The following CDH13 variants were observed in gnomAD, a reference collection of about 807,000 sequenced individuals.
The protein encoded by CDH13 is cadherin 13, also known as cadherin-13.
A neutral mutation model predicts 63.8 loss-of-function variants in CDH13; 24 were observed. That is an observed-to-expected ratio of 0.38 (90% confidence interval 0.27 to 0.53). CDH13 has a LOEUF of 0.53. CDH13 is among the 20% of genes least tolerant of loss of function. The pLI is 0.85. For missense variants in CDH13, 1,049 were observed against 903.1 expected (o/e 1.16, Z -2.07); for synonymous variants, 503 against 355.3 (o/e 1.42, Z -4.67).
chr16:82,861,885 A>G (rs2039961411), intron 2 of CDH13, among the ~76,000 whole-genome samples: 2 of 152,234 alleles, frequency 1.3e-5, no homozygotes, highest in Admixed American at 1.3e-4. Context: ...AGAGTGATGC[A>G]AAGCTCCCAA....
intron 7 of CDH13, among the ~76,000 whole-genome samples, chr16:83,564,145 A>G (rs2075752794): frequency 6.6e-6 from 1 of 152,208 alleles, no homozygotes; most frequent in Admixed American, 6.5e-5. Context: ...CACTACTAGT[A>G]TCAGTAGTAC....
At chr16:82,892,780 C>T (rs191146961) in intron 2 of CDH13, among the ~76,000 whole-genome samples, 4 of 151,924 alleles carry the variant, frequency 2.6e-5, no homozygotes, top group African/African-American at 7.2e-5. Flanking sequence ...TTTCAAATTA[C>T]TAAAAGCATT....
At chr16:82,654,891 C>A (rs760251802) in intron 1 of CDH13, among the ~76,000 whole-genome samples, 53 of 152,286 alleles carry the variant, frequency 3.5e-4, no homozygotes, top group Non-Finnish European at 6.9e-4. Context: ...CCTCCCAACA[C>A]TACTGAGGTA....
At chr16:83,186,003 A>G (rs1597483492) in intron 4 of CDH13, among the ~76,000 whole-genome samples, 2 of 152,058 alleles carry the variant, frequency 1.3e-5, no homozygotes, top group African/African-American at 2.4e-5. Flanking sequence ...TAGAGGAGAT[A>G]TTTTCCTGAT....
At chr16:83,274,000 T>C (rs1028310519) in intron 5 of CDH13, among the ~76,000 whole-genome samples, 1 of 152,172 alleles carries the variant, frequency 6.6e-6, no homozygotes, top group African/African-American at 2.4e-5. Context: ...TTGCTTACAC[T>C]TTCCATCTTC....
At chr16:83,134,135 A>G (rs1447601092) in intron 4 of CDH13, among the ~76,000 whole-genome samples, 1 of 152,214 alleles carries the variant, frequency 6.6e-6, no homozygotes, top group Admixed American at 6.5e-5. Context: ...TAATGAGGCC[A>G]CCAGATAAAT....
chr16:83,582,939 A>G (rs1161283145), intron 7 of CDH13, among the ~76,000 whole-genome samples: 1 of 152,196 alleles, frequency 6.6e-6, no homozygotes, highest in South Asian at 2.1e-4. Context: ...ATCCTGAAAC[A>G]AATCACCACC....
rs1170271170 is a variant in CDH13 at position 83,800,258 on chromosome 16, T to G, written c.*5228T>G. ...AAACTGGAGACTATTTTTTTGCTACTTTTTAAAAAGCTTTTTCTTTAGAGA... is the reference window on the plus strand; with the variant it reads ...AAACTGGAGACTATTTTTTTGCTACGTTTTAAAAAGCTTTTTCTTTAGAGA... On this transcript the variant is annotated 3_prime_UTR_variant, in exon 14 of 14. Transcript: ENST00000567109. 2 of 152,184 alleles carry G rather than the reference T, an allele frequency of 1.3e-5. No individual in the cohort carries two copies. The highest frequency in any genetic ancestry group is 2.9e-5 in the Non-Finnish European group (2 of 68,026). The allele number at this position is 152,184 out of a possible 1,614,324, so 9.4% of individuals were successfully genotyped here.
intron 6 of CDH13, among the ~76,000 whole-genome samples, chr16:83,410,749 A>T (rs373673273): frequency 6.6e-6 from 1 of 152,176 alleles, no homozygotes; most frequent in Non-Finnish European, 1.5e-5. Flanking sequence ...CAATTTAATT[A>T]TGTTCAAGTA....
At chr16:82,869,982 C>T (rs751466982) in intron 2 of CDH13, among the ~76,000 whole-genome samples, 2 of 152,128 alleles carry the variant, frequency 1.3e-5, no homozygotes, top group African/African-American at 2.4e-5. Flanking sequence ...CAAATGGGAT[C>T]GTACCAAGTT....
intron 3 of CDH13, among the ~76,000 whole-genome samples, chr16:83,108,969 C>A (rs955411177): frequency 1.3e-5 from 2 of 152,168 alleles, no homozygotes; most frequent in Non-Finnish European, 2.9e-5. Flanking sequence ...CCCCTCCCTG[C>A]CTCACTTCCT....
chr16:82,715,200 T>C (rs1348282142), intron 1 of CDH13, among the ~76,000 whole-genome samples: 6 of 151,528 alleles, frequency 4.0e-5, no homozygotes, highest in African/African-American at 1.5e-4. Context: ...GATATGGCCT[T>C]TCTAAATGTC....
chr16:83,107,150 T>TTCCTAC (rs1177788743), intron 3 of CDH13, among the ~76,000 whole-genome samples: 6 of 152,182 alleles, frequency 3.9e-5, no homozygotes, highest in Non-Finnish European at 7.3e-5. Flanking sequence ...TACATTAGGT[T>TTCCTAC]ATTTTTTTCT....
rs1260290446 is a variant in CDH13, at chr16:82,970,549, G to A, written c.158-61461G>A. Among the ~76,000 whole-genome samples the A allele has an allele frequency of 6.9e-5, 10 of 144,136 alleles. 2 individuals are homozygous for A. Among genetic ancestry groups the A allele is most frequent in the Non-Finnish European group, 1.2e-4 (8 of 64,292 alleles). 94.6% of individuals were successfully genotyped at this position (144,136 alleles called of 152,430 possible). A position where few individuals can be genotyped will look rare whatever the true frequency, so the allele number is the denominator to read the frequency against. Reference sequence around the variant, plus strand: ...CGAGTAGCTGGGACTACAGGCGCCCGCCACCGCGCCCGGCTAATTTTTTGT... The same window carrying A: ...CGAGTAGCTGGGACTACAGGCGCCCACCACCGCGCCCGGCTAATTTTTTGT... On this transcript the variant is annotated intron_variant, in intron 2 of 13. Transcript: ENST00000567109.
chr16:83,103,541 C>T (rs371583546), intron 3 of CDH13, among the ~76,000 whole-genome samples: 15 of 152,084 alleles, frequency 9.9e-5, no homozygotes, highest in East Asian at 9.6e-4. Context: ...CCACCGTGCC[C>T]GGCTAATTAA....
chr16:82,987,431 CA>C (rs2151396065), intron 2 of CDH13, among the ~76,000 whole-genome samples: 1 of 152,230 alleles, frequency 6.6e-6, no homozygotes, highest in East Asian at 1.9e-4. Context: ...GGCTGGAATA[CA>C]GTGTCACGAT....
chr16:82,923,897 C>A (rs1038774973), intron 2 of CDH13, among the ~76,000 whole-genome samples: 1 of 152,178 alleles, frequency 6.6e-6, no homozygotes, highest in African/African-American at 2.4e-5. Flanking sequence ...TGCATTTTCC[C>A]AGCCCTTCCT....
rs199756336 is a variant in CDH13 at position 83,646,692 on chromosome 16, C to CA, written c.1102-24077dup. 6.6e-4 allele frequency among the ~76,000 whole-genome samples: 48 copies of CA among 72,680 alleles called. 1 individual carries two copies. Among genetic ancestry groups the CA allele is most frequent in the South Asian group, 2.7e-3 (6 of 2,254 alleles). The allele number at this position is 72,680 out of a possible 152,430, so 47.7% of individuals were successfully genotyped here. On this transcript the variant is annotated intron_variant, in intron 8 of 13. Coordinates refer to ENST00000567109, the MANE Select transcript of CDH13 (RefSeq NM_001257.5). Reference sequence around the variant, plus strand: ...GGGTGACAAGAGCAAGACTCCGTCTCAAAAAAAAAAAAAAAAAAAAACACA... The same window carrying CA: ...GGGTGACAAGAGCAAGACTCCGTCTCAAAAAAAAAAAAAAAAAAAAAACACA...
At chr16:82,757,546 G>C (rs2034657292) in intron 1 of CDH13, among the ~76,000 whole-genome samples, 1 of 152,148 alleles carries the variant, frequency 6.6e-6, no homozygotes, top group Admixed American at 6.5e-5. Context: ...CTTAGCTTTT[G>C]GTTTAAAGCT....
Sources: allele counts gnomAD v4.1 joint callset (sites outside exome capture counted in the v4.1 genomes callset), GRCh38; gene constraint gnomAD v4.1.1; transcripts MANE v1.5; gene names NCBI Gene and HGNC (gene_info 2026-07-23, HGNC 2026-07-21).